FMO2: variants seen among roughly 807,000 people sequenced by gnomAD.
FMO2 encodes the protein flavin containing dimethylaniline monoxygenase 2, also known as flavin-containing monooxygenase 2.
FMO2 carries 33 observed loss-of-function variants against 41.6 expected under a neutral mutation model. The observed-to-expected ratio is 0.79, with a 90% CI of 0.60 to 1.06. The LOEUF (loss-of-function observed/expected upper bound fraction) is 1.06, where lower values mean the gene tolerates loss of function less well. Among genes scored for constraint, FMO2 ranks in the 50% least tolerant of loss-of-function variants. FMO2 has a pLI of 0.00. For synonymous variants in FMO2, 214 were observed against 219.6 expected (o/e 0.97, Z 0.23); for missense variants, 619 against 632.9 (o/e 0.98, Z 0.23).
Position 171,203,684 on chromosome 1 carries a change from C to A in FMO2, c.628-181C>A, listed in dbSNP as rs28369894. Among the ~76,000 whole-genome samples, 548 of 152,270 alleles carry A rather than the reference C, an allele frequency of 3.6e-3. 3 individuals carry two copies. Among genetic ancestry groups the A allele is most frequent in the Non-Finnish European group, 6.4e-3 (437 of 68,002 alleles). The stretch of plus-strand genomic sequence containing the variant: ...TCAAGATTTTGTTGCAGTCTTCCTG[C>A]ATCAGTGTAAATGCCACTGGGTACC... On this transcript the variant is annotated intron_variant, in intron 5 of 8. Transcript: ENST00000209929.
At chr1:171,187,442 G>T (rs992139141) in intron 2 of FMO2, among the ~76,000 whole-genome samples, 1 of 151,994 alleles carries the variant, frequency 6.6e-6, no homozygotes, top group Non-Finnish European at 1.5e-5. Flanking sequence ...TGCCAACAGC[G>T]ATCTTTTTTA....
intron 2 of FMO2, among the ~76,000 whole-genome samples, chr1:171,192,674 G>A (rs1465143852): frequency 6.6e-6 from 1 of 151,348 alleles, no homozygotes; most frequent in Non-Finnish European, 1.5e-5. Flanking sequence ...GCTGAGGCAG[G>A]AGAATGCCGT....
intron 5 of FMO2, 86 bp downstream of exon 5, chr1:171,199,574 C>A (rs774582639): frequency 1.5e-6 from 2 of 1,314,126 alleles, no homozygotes; most frequent in Non-Finnish European, 2.1e-6. Flanking sequence ...AATCGCGGCT[C>A]CAATCCTCAT....
Position 171,203,170 on chromosome 1 carries a change from G to A in FMO2, c.628-695G>A, listed in dbSNP as rs572862941. On this transcript the variant is annotated intron_variant, in intron 5 of 8. Coordinates refer to ENST00000209929, the MANE Select transcript of FMO2 (RefSeq NM_001460.5). ...CCGACCTGGGCAACATAATGAGACC[G>A]TCTCTACAAAAAAATTGTTTGAATT... Among the ~76,000 whole-genome samples, 5 of 152,074 alleles carry A rather than the reference G, an allele frequency of 3.3e-5. No individual in the cohort carries two copies. In the East Asian group the frequency reaches 9.7e-4, roughly 29 times the overall value.
chr1:171,191,453 C>T (rs1364708906), intron 2 of FMO2, among the ~76,000 whole-genome samples: 1 of 152,126 alleles, frequency 6.6e-6, no homozygotes, highest in Non-Finnish European at 1.5e-5. Flanking sequence ...AAATTTAACG[C>T]TAGTGGCCAA....
intron 7 of FMO2, among the ~76,000 whole-genome samples, chr1:171,205,840 T>C (rs1658740206): frequency 6.6e-6 from 1 of 152,178 alleles, no homozygotes; most frequent in Admixed American, 6.6e-5. Context: ...ATACCTGCAA[T>C]CATCCTTTTA....
chr1:171,204,637 G>A (rs371109188), intron 6 of FMO2, among the ~76,000 whole-genome samples: 5 of 151,848 alleles, frequency 3.3e-5, no homozygotes, highest in South Asian at 2.1e-4. Flanking sequence ...AATGCCTGCC[G>A]TGCAACTACC....
At chr1:171,203,081 G>A (rs1201710504) in intron 5 of FMO2, among the ~76,000 whole-genome samples, 2 of 152,250 alleles carry the variant, frequency 1.3e-5, no homozygotes, top group Non-Finnish European at 2.9e-5. Context: ...TGTGTCTCAT[G>A]CCTGTAATCC....
chr1:171,188,030 A>ATTTTT (rs67830022), intron 2 of FMO2, among the ~76,000 whole-genome samples: 12 of 97,694 alleles, frequency 1.2e-4, no homozygotes, highest in Non-Finnish European at 1.6e-4. Context: ...TTCAGCTGGA[A>ATTTTT]TTTTTTTTTT....
At chr1:171,198,457 G>A (rs1658387984) in intron 4 of FMO2, among the ~76,000 whole-genome samples, 1 of 150,164 alleles carries the variant, frequency 6.7e-6, no homozygotes, top group Non-Finnish European at 1.5e-5. Flanking sequence ...CCAGACTGGA[G>A]TGCAGTGGCA....
At chr1:171,198,956 G>T (rs1658413515) in intron 4 of FMO2, among the ~76,000 whole-genome samples, 1 of 152,200 alleles carries the variant, frequency 6.6e-6, no homozygotes, top group Admixed American at 6.5e-5. Context: ...AGACTGGAGT[G>T]CAGTGACTCA....
At chr1:171,189,445 A>T (rs1428381418) in intron 2 of FMO2, among the ~76,000 whole-genome samples, 1 of 152,088 alleles carries the variant, frequency 6.6e-6, no homozygotes, top group Non-Finnish European at 1.5e-5. Context: ...GCTTGAAAGC[A>T]GCAGAAAAAA....
At chr1:171,190,431 C>G (rs957090819) in intron 2 of FMO2, among the ~76,000 whole-genome samples, 2 of 152,130 alleles carry the variant, frequency 1.3e-5, no homozygotes, top group Admixed American at 6.5e-5. Context: ...GCTTAATTAT[C>G]CAGGCAGTAG....
In FMO2 at chr1:171,209,143, T is replaced by C. The variant is rs955161847; in HGVS notation, c.1606T>C (p.Ter536GlnextTer3). 11 of 562,742 alleles carry C rather than the reference T, an allele frequency of 2.0e-5. No individual in the cohort carries two copies. In the African/African-American group the frequency reaches 2.1e-4, roughly 11 times the overall value. 34.9% of individuals were successfully genotyped at this position (562,742 alleles called of 1,614,324 possible). A position where few individuals can be genotyped will look rare whatever the true frequency, so the allele number is the denominator to read the frequency against. ...VAFFCQLQWS[*>Q] is the part of the protein sequence containing the mutation. ...CTTTTTTTGCCAACTTCAATGGTCC[T>C]AGTCAGCATAATGCTTTGGGCTTTA... Residue 536 changes from the stop codon to glutamine (Q), a stop_lost, in exon 9 of 9, where the codon TAG (stop) becomes CAG (glutamine). Coordinates refer to ENST00000209929, the MANE Select transcript of FMO2 (RefSeq NM_001460.5).
chr1:171,187,627 CAAAAAA>C (rs765479366), intron 2 of FMO2, among the ~76,000 whole-genome samples: 23 of 82,596 alleles, frequency 2.8e-4, no homozygotes, highest in East Asian at 1.3e-3. Context: ...AACCTGCCAC[CAAAAAA>C]AAAAAAAAAA....
At chr1:171,208,179 G>A (rs916979348) in intron 8 of FMO2, among the ~76,000 whole-genome samples, 1 of 152,138 alleles carries the variant, frequency 6.6e-6, no homozygotes, top group African/African-American at 2.4e-5. Flanking sequence ...GCTGTGAAAA[G>A]TTAGAGAATC....
chr1:171,211,566 T>C lies in FMO2; in HGVS notation c.*2421T>C, dbSNP rs1197087549. ...GAAAATATTATTAAATTTATATCCC[T>C]AAAATTTTTAGAAATCTCTCAAAAT... On this transcript the variant is annotated 3_prime_UTR_variant, in exon 9 of 9. Coordinates refer to ENST00000209929, the MANE Select transcript of FMO2 (RefSeq NM_001460.5). Among the ~76,000 whole-genome samples the C allele has an allele frequency of 1.3e-5, 2 of 152,216 alleles. No homozygotes were observed. Among genetic ancestry groups the C allele is most frequent in the Non-Finnish European group, 2.9e-5 (2 of 68,026 alleles).
At chr1:171,189,602 G>T (rs1027646031) in intron 2 of FMO2, among the ~76,000 whole-genome samples, 2 of 151,472 alleles carry the variant, frequency 1.3e-5, no homozygotes, top group African/African-American at 4.8e-5. Context: ...TCATTGTGCA[G>T]AAGCAGCTAG....
At chr1:171,196,940 T>A in intron 4 of FMO2, 129 bp downstream of exon 4, 1 of 736,528 alleles carries the variant, frequency 1.4e-6, no homozygotes, top group Non-Finnish European at 2.2e-6. Context: ...GAGACAGAGC[T>A]AGAAAGATGA....
Sources: gnomAD v4.1 joint callset for allele counts (sites outside exome capture counted in the v4.1 genomes callset) on GRCh38, gnomAD v4.1.1 for gene constraint, MANE v1.5 for transcripts, NCBI Gene and HGNC (gene_info 2026-07-23, HGNC 2026-07-21) for gene names.